The following CEP128 variants were observed in gnomAD, a reference collection of about 807,000 sequenced individuals.
The protein encoded by CEP128 is centrosomal protein 128, also known as centrosomal protein 128kDa.
A neutral mutation model predicts 156.7 loss-of-function variants in CEP128; 132 were observed. The ratio of observed to expected loss-of-function variants is 0.84; its 90% CI spans 0.73 to 0.97. The LOEUF is 0.97. Among genes scored for constraint, CEP128 ranks in the 50% least tolerant of loss-of-function variants. The pLI, the probability that CEP128 is intolerant of heterozygous loss-of-function variation, is 0.00. For synonymous variants in CEP128, 469 were observed against 448.9 expected, an observed-to-expected ratio of 1.04 and a Z score of -0.57; for missense variants, 1,252 against 1,281.9, an observed-to-expected ratio of 0.98 and a Z score of 0.36.
chr14:80,513,202 T>C (rs1307680719), intron 23 of CEP128, among the ~76,000 whole-genome samples: 1 of 152,106 alleles, frequency 6.6e-6, no homozygotes, highest in South Asian at 2.1e-4. Flanking sequence ...TGGGAAAGTC[T>C]TCATTTCCCC....
At chr14:80,942,713 T>G (rs754318297), upstream of CEP128, among the ~76,000 whole-genome samples, 1 of 152,140 alleles carries the variant, frequency 6.6e-6, no homozygotes, top group African/African-American at 2.4e-5. Flanking sequence ...GGACCTAACC[T>G]TTTTTGTACA....
chr14:80,667,468 C>T (rs560887576), intron 19 of CEP128, among the ~76,000 whole-genome samples: 10 of 152,062 alleles, frequency 6.6e-5, no homozygotes, highest in South Asian at 2.1e-4. Context: ...AACCCAATAG[C>T]AATAACTAAA....
At chr14:80,874,095 G>A (rs1339258515) in intron 8 of CEP128, among the ~76,000 whole-genome samples, 1 of 152,100 alleles carries the variant, frequency 6.6e-6, no homozygotes, top group Non-Finnish European at 1.5e-5. Context: ...ATGTTCACAA[G>A]ATGTATATCT....
intron 19 of CEP128, among the ~76,000 whole-genome samples, chr14:80,632,255 T>C (rs1209145653): frequency 6.6e-6 from 1 of 151,826 alleles, no homozygotes; most frequent in East Asian, 1.9e-4. Flanking sequence ...TCCTGTCTTT[T>C]AGTATTGTAT....
rs2139587286 is a variant in CEP128 at position 80,931,536 on chromosome 14, C to T, written c.-16+7849G>A. On this transcript the variant is annotated intron_variant, in intron 2 of 24. Transcript: ENST00000555265. ...TGGCTTTCTAAAGGTAGATCACTGG[C>T]CAGAGATTTTGAGTTACAACAGCTG... 2.6e-5 allele frequency among the ~76,000 whole-genome samples: 4 copies of T among 152,282 alleles called. No homozygotes were observed. In the South Asian group the frequency reaches 8.3e-4, roughly 32 times the overall value.
intron 8 of CEP128, among the ~76,000 whole-genome samples, chr14:80,873,851 A>T (rs1462260704): frequency 6.6e-6 from 1 of 152,136 alleles, no homozygotes; most frequent in Non-Finnish European, 1.5e-5. Context: ...TTTAAATAAA[A>T]TAAGAATATT....
intron 17 of CEP128, among the ~76,000 whole-genome samples, chr14:80,759,753 T>C (rs992622678): frequency 6.6e-6 from 1 of 152,046 alleles, no homozygotes; most frequent in African/African-American, 2.4e-5. Context: ...CTATAAAAAA[T>C]TGGATGCTTC....
At chr14:80,769,661 A>G (rs1391855969) in intron 16 of CEP128, among the ~76,000 whole-genome samples, 1 of 152,236 alleles carries the variant, frequency 6.6e-6, no homozygotes, top group Non-Finnish European at 1.5e-5. Flanking sequence ...TATCATTAAT[A>G]CTTTTCTTAT....
chr14:80,548,653 G>C (rs1384202053), intron 21 of CEP128, among the ~76,000 whole-genome samples: 3 of 152,132 alleles, frequency 2.0e-5, no homozygotes, highest in Non-Finnish European at 4.4e-5. Flanking sequence ...CTTTTACCCA[G>C]AGAATGTGCT....
chr14:80,944,868 A>T (rs1223081860), upstream of CEP128, among the ~76,000 whole-genome samples: 2 of 102,238 alleles, frequency 2.0e-5, no homozygotes, highest in African/African-American at 3.2e-5. Flanking sequence ...CAGAAAAAAC[A>T]GAACAAAACA....
Position 80,750,341 on chromosome 14 carries a change from A to G in CEP128, c.2613+6551T>C, listed in dbSNP as rs151174395. On this transcript the variant is annotated intron_variant, in intron 18 of 24. Transcript: ENST00000555265. ...TGTAGTTGCCCCTGCTAATGTAGTC[A>G]GGTCCATGGTTTTTCTCATCTCCAA... is the stretch of plus-strand genomic sequence containing the variant. 1.5e-3 allele frequency among the ~76,000 whole-genome samples: 226 copies of G among 152,302 alleles called. 2 individuals are homozygous for G. Among genetic ancestry groups the G allele is most frequent in the African/African-American group, 5.1e-3 (213 of 41,570 alleles).
At chr14:80,591,695 G>C (rs1892078165) in intron 19 of CEP128, among the ~76,000 whole-genome samples, 1 of 152,186 alleles carries the variant, frequency 6.6e-6, no homozygotes, top group Admixed American at 6.5e-5. Context: ...CAAGTCAACA[G>C]AATGTACATT....
chr14:80,563,479 T>G (rs1323209130), intron 20 of CEP128, among the ~76,000 whole-genome samples: 2 of 151,286 alleles, frequency 1.3e-5, no homozygotes, highest in African/African-American at 2.4e-5. Context: ...ATATACTTTT[T>G]GGGGTAATGC....
intron 21 of CEP128, among the ~76,000 whole-genome samples, chr14:80,536,584 C>T (rs568084992): frequency 1.8e-4 from 27 of 152,250 alleles, no homozygotes; most frequent in South Asian, 4.1e-4. Context: ...TGAGTAAACA[C>T]GTTTCTGGGA....
At chr14:80,637,337 A>T (rs1894227546) in intron 19 of CEP128, among the ~76,000 whole-genome samples, 1 of 152,110 alleles carries the variant, frequency 6.6e-6, no homozygotes, top group East Asian at 1.9e-4. Flanking sequence ...GGATGACCTA[A>T]TGTAATCAGG....
At chr14:80,729,445 A>ACATTTTT (rs1898180644) in intron 19 of CEP128, among the ~76,000 whole-genome samples, 1 of 152,042 alleles carries the variant, frequency 6.6e-6, no homozygotes, top group Non-Finnish European at 1.5e-5. Flanking sequence ...GGCTGGTTCT[A>ACATTTTT]CATTTTTGCA....
chr14:80,559,131 G>T (rs2140366705), intron 21 of CEP128, 148 bp downstream of exon 21: 3 of 692,448 alleles, frequency 4.3e-6, no homozygotes, highest in Admixed American at 3.0e-5. Context: ...ATACCTTTTA[G>T]ATACAGTTTA....
chr14:80,642,213 TGAAAGATGGAGGAGACACG>T (rs1204889509), intron 19 of CEP128, among the ~76,000 whole-genome samples: 1 of 152,136 alleles, frequency 6.6e-6, no homozygotes, highest in African/African-American at 2.4e-5. Flanking sequence ...GCAGTTTGTC[TGAAAGATGGAGGAGACACG>T]TAGAAACACC....
At chr14:80,628,061 T>C (rs1893806839) in intron 19 of CEP128, among the ~76,000 whole-genome samples, 1 of 152,158 alleles carries the variant, frequency 6.6e-6, no homozygotes, top group South Asian at 2.1e-4. Context: ...AAAGCTTAAA[T>C]TGCAAGAACA....
Sources: allele counts gnomAD v4.1 joint callset (sites outside exome capture counted in the v4.1 genomes callset), GRCh38; gene constraint gnomAD v4.1.1; transcripts MANE v1.5; gene names NCBI Gene and HGNC (gene_info 2026-07-23, HGNC 2026-07-21).